Variants in HOXA13 observed in about 807,000 individuals in gnomAD.
HOXA13 encodes the protein homeobox A13, also known as homeobox protein Hox-A13.
HOXA13 carries 5 observed loss-of-function variants against 25.7 expected under a neutral mutation model. The observed-to-expected ratio is 0.19, with a 90% CI of 0.10 to 0.41. The LOEUF is 0.41. Among genes scored for constraint, HOXA13 ranks in the 10% least tolerant of loss-of-function variants. HOXA13 has a pLI of 1.00. For missense variants in HOXA13, 557 were observed against 533.5 expected (o/e 1.04, Z -0.43); for synonymous variants, 284 against 241.1 (o/e 1.18, Z -1.65).
Position 27,197,811 on chromosome 7 carries a change from C to T in HOXA13, c.*387G>A, listed in dbSNP as rs755100255. ...AAGGACAAGCAGATGTTTACAATGGCCTCTTGCGTTTGTAACCAACTTCCA... is the reference window on the plus strand; with the variant it reads ...AAGGACAAGCAGATGTTTACAATGGTCTCTTGCGTTTGTAACCAACTTCCA... On this transcript the variant is annotated 3_prime_UTR_variant, in exon 2 of 2. Coordinates refer to ENST00000649031, the MANE Select transcript of HOXA13 (RefSeq NM_000522.5). 2 of 346,012 alleles carry T rather than the reference C, an allele frequency of 5.8e-6. No individual in the cohort carries two copies. The highest frequency in any genetic ancestry group is 4.9e-5 in the East Asian group (1 of 20,254). 21.4% of individuals were successfully genotyped at this position (346,012 alleles called of 1,614,324 possible). A position where few individuals can be genotyped will look rare whatever the true frequency, so the allele number is the denominator to read the frequency against.
In HOXA13 at chr7:27,198,121, T is replaced by C; in HGVS notation, c.*77A>G. The C allele has an allele frequency of 6.9e-7, 1 of 1,455,238 alleles. No homozygotes were observed. Among genetic ancestry groups the C allele is most frequent in the Admixed American group, 1.7e-5 (1 of 58,986 alleles). The allele number at this position is 1,455,238 out of a possible 1,614,324, so 90.1% of individuals were successfully genotyped here. A position where few individuals can be genotyped will look rare whatever the true frequency, so the allele number is the denominator to read the frequency against. On this transcript the variant is annotated 3_prime_UTR_variant, in exon 2 of 2. Transcript: ENST00000649031. ...CCCATTCTTCAATTATTATTAAGCA[T>C]TATTATCATTATCTGGGCAAAGCAA...
At chr7:27,198,620 T>A (rs1422132078) in intron 1 of HOXA13, 178 bp from the exon 2 acceptor site, 1 of 709,492 alleles carries the variant, frequency 1.4e-6, no homozygotes. Flanking sequence ...AGTTCTGAAC[T>A]GAAATGAAAT....
chr7:27,194,923 T>C lies in HOXA13; in HGVS notation c.*3275A>G, dbSNP rs1031048744. ...AAAATATCCCCTGTCAACAGAAGAG[T>C]CCCTTTTGGAGCTGTTCTTAAACAC... On this transcript the variant is annotated 3_prime_UTR_variant, in exon 2 of 2. Coordinates refer to ENST00000649031, the MANE Select transcript of HOXA13 (RefSeq NM_000522.5). 1.3e-5 allele frequency: 2 copies of C among 152,106 alleles called. No homozygotes were observed. Among genetic ancestry groups the C allele is most frequent in the Admixed American group, 1.3e-4 (2 of 15,256 alleles). The allele number at this position is 152,106 out of a possible 1,614,324, so 9.4% of individuals were successfully genotyped here.
chr7:27,200,081 C>G lies in HOXA13; in HGVS notation c.-4G>C. 6.9e-7 allele frequency: 1 copy of G among 1,457,382 alleles called. No individual in the cohort carries two copies. The highest frequency in any genetic ancestry group is 9.2e-7 in the Non-Finnish European group (1 of 1,087,568). The allele number at this position is 1,457,382 out of a possible 1,614,324, so 90.3% of individuals were successfully genotyped here. A position where few individuals can be genotyped will look rare whatever the true frequency, so the allele number is the denominator to read the frequency against. On this transcript the variant is annotated 5_prime_UTR_variant, in exon 1 of 2. Transcript: ENST00000649031. ...GGAGGAGCACGGAGGCTGTCATAGC[C>G]CGAGCCGCATGGAGAAGACCCCAGT...
Position 27,194,648 on chromosome 7 carries a change from G to A in HOXA13, c.*3550C>T, listed in dbSNP as rs1355656237. The A allele has an allele frequency of 1.3e-5, 2 of 152,126 alleles. No homozygotes were observed. Among genetic ancestry groups the A allele is most frequent in the Non-Finnish European group, 2.9e-5 (2 of 68,042 alleles). The allele number at this position is 152,126 out of a possible 1,614,324, so 9.4% of individuals were successfully genotyped here. A position where few individuals can be genotyped will look rare whatever the true frequency, so the allele number is the denominator to read the frequency against. On this transcript the variant is annotated 3_prime_UTR_variant, in exon 2 of 2. Transcript: ENST00000649031. ...AGATCCACAGAAATTTTAAATAGGA[G>A]GAGAGTTAGGTAAGATCGACACTAT...
In HOXA13 at chr7:27,196,834, C is replaced by T. The variant is rs892016617; in HGVS notation, c.*1364G>A. The T allele has an allele frequency of 4.6e-5, 8 of 174,018 alleles. No individual in the cohort carries two copies. The highest frequency in any genetic ancestry group is 8.7e-5 in the Non-Finnish European group (7 of 80,190). The allele number at this position is 174,018 out of a possible 1,614,324, so 10.8% of individuals were successfully genotyped here. ...CTGCTCCTTTTCTTTCTGTGCAGTG[C>T]ACATTTAGCATAGGAAAGTAAAGAG... is the stretch of plus-strand genomic sequence containing the variant. On this transcript the variant is annotated 3_prime_UTR_variant, in exon 2 of 2. Coordinates refer to ENST00000649031, the MANE Select transcript of HOXA13 (RefSeq NM_000522.5).
Position 27,200,050 on chromosome 7 carries a change from G to A in HOXA13, c.28C>T (p.Arg10Cys), listed in dbSNP as rs776288905. 3 of 1,477,434 alleles carry A rather than the reference G, an allele frequency of 2.0e-6. No homozygotes were observed. The highest frequency in any genetic ancestry group is 1.9e-5 in the Admixed American group (1 of 52,420). The allele number at this position is 1,477,434 out of a possible 1,614,324, so 91.5% of individuals were successfully genotyped here. A position where few individuals can be genotyped will look rare whatever the true frequency, so the allele number is the denominator to read the frequency against. The change falls in exon 1 of 2, where the codon CGC becomes TGC. Residue 10 changes from arginine to cysteine, a missense_variant. Transcript: ENST00000649031. The stretch of plus-strand genomic sequence containing the variant: ...AACATGACGGTGGGCTCGATCCAGC[G>A]GGGGTGGAGGAGCACGGAGGCTGTC... MTASVLLHPRWIEPTVMFLY... is the reference protein window; with the variant it reads MTASVLLHPCWIEPTVMFLY...
At position 27,199,923 on chromosome 7, in the gene HOXA13, CCGGCAGCCGCCGCCGCTGCAGCCGCTG is replaced by C; in HGVS notation, c.128_154del (p.Ala43_Ala51del). ...GTGGGGGAAGCCCCCGCCCCCGGCC[CCGGCAGCCGCCGCCGCTGCAGCCGCTG>C]CTGCAGCCGCCGCCGCCCCTTCCAT... On this transcript the variant is annotated inframe_deletion, in exon 1 of 2. Coordinates refer to ENST00000649031, the MANE Select transcript of HOXA13 (RefSeq NM_000522.5). 1 of 1,233,258 alleles carries C rather than the reference CCGGCAGCCGCCGCCGCTGCAGCCGCTG, an allele frequency of 8.1e-7. No homozygotes were observed. The highest frequency in any genetic ancestry group is 1.0e-6 in the Non-Finnish European group (1 of 968,232). The allele number at this position is 1,233,258 out of a possible 1,614,324, so 76.4% of individuals were successfully genotyped here. A position where few individuals can be genotyped will look rare whatever the true frequency, so the allele number is the denominator to read the frequency against.
chr7:27,199,940 T>TGGGGGAAGCCCCCGCCCCCGGCCCCG lies in HOXA13; in HGVS notation c.137_138insCGGGGCCGGGGGCGGGGGCTTCCCCC (p.Ala47GlyfsTer53). The TGGGGGAAGCCCCCGCCCCCGGCCCCG allele has an allele frequency of 7.9e-7, 1 of 1,268,560 alleles. No homozygotes were observed. The highest frequency in any genetic ancestry group is 1.0e-6 in the Non-Finnish European group (1 of 980,732). 78.6% of individuals were successfully genotyped at this position (1,268,560 alleles called of 1,614,324 possible). A position where few individuals can be genotyped will look rare whatever the true frequency, so the allele number is the denominator to read the frequency against. On this transcript the variant is annotated frameshift_variant, in exon 1 of 2. Coordinates refer to ENST00000649031, the MANE Select transcript of HOXA13 (RefSeq NM_000522.5). LOFTEE classifies it high-confidence loss of function. Reference sequence around the variant, plus strand: ...CCCCGGCCCCGGCAGCCGCCGCCGCTGCAGCCGCTGCTGCAGCCGCCGCCG... The same window carrying TGGGGGAAGCCCCCGCCCCCGGCCCCG: ...CCCCGGCCCCGGCAGCCGCCGCCGCTGGGGGAAGCCCCCGCCCCCGGCCCCGGCAGCCGCTGCTGCAGCCGCCGCCG...
Position 27,199,616 on chromosome 7 carries a change from G to T in HOXA13, c.462C>A (p.Ser154Arg), listed in dbSNP as rs1299561651. ...AGCTCTGCGCCGCTGCCGAGCAGGG[G>T]CTGCATTGCTTGGCGGCCTCTGCGC... ...PAGAEAAKQC[S>R]PCSAAAQSSS... is the part of the protein sequence containing the mutation. Residue 154 changes from serine to arginine, a missense_variant, in exon 1 of 2, where the codon AGC becomes AGA. By Grantham distance (110) the Ser-to-Arg change is moderately radical. Coordinates refer to ENST00000649031, the MANE Select transcript of HOXA13 (RefSeq NM_000522.5). 2 of 1,431,336 alleles carry T rather than the reference G, an allele frequency of 1.4e-6. No homozygotes were observed. The highest frequency in any genetic ancestry group is 1.5e-5 in the South Asian group (1 of 67,580). 88.7% of individuals were successfully genotyped at this position (1,431,336 alleles called of 1,614,324 possible). A position where few individuals can be genotyped will look rare whatever the true frequency, so the allele number is the denominator to read the frequency against.
Position 27,194,489 on chromosome 7 carries a change from T to C in HOXA13, c.*3709A>G, listed in dbSNP as rs995169193. 1.3e-5 allele frequency: 2 copies of C among 152,216 alleles called. No individual in the cohort carries two copies. Among genetic ancestry groups the C allele is most frequent in the Non-Finnish European group, 2.9e-5 (2 of 68,048 alleles). The allele number at this position is 152,216 out of a possible 1,614,324, so 9.4% of individuals were successfully genotyped here. A position where few individuals can be genotyped will look rare whatever the true frequency, so the allele number is the denominator to read the frequency against. On this transcript the variant is annotated 3_prime_UTR_variant, in exon 2 of 2. Coordinates refer to ENST00000649031, the MANE Select transcript of HOXA13 (RefSeq NM_000522.5). ...CAGTGGCTGATACTATTATTCCTAT[T>C]TTTCAGGAGGTGGCTGGTCTCTCCT... is the stretch of plus-strand genomic sequence containing the variant.
rs1332705603 is a variant in HOXA13 at position 27,195,574 on chromosome 7, G to T, written c.*2624C>A. ...CAGTAGATATAATATTATTATTATA[G>T]TTTTGATGGAAGTTGTTAATATTAA... On this transcript the variant is annotated 3_prime_UTR_variant, in exon 2 of 2. Transcript: ENST00000649031. The T allele has an allele frequency of 2.0e-5, 3 of 152,152 alleles. No homozygotes were observed. The highest frequency in any genetic ancestry group is 4.4e-5 in the Non-Finnish European group (3 of 68,024). The allele number at this position is 152,152 out of a possible 1,614,324, so 9.4% of individuals were successfully genotyped here. A position where few individuals can be genotyped will look rare whatever the true frequency, so the allele number is the denominator to read the frequency against.
intron 1 of HOXA13, chr7:27,198,712 A>C: frequency 1.8e-6 from 1 of 563,894 alleles, no homozygotes; most frequent in Non-Finnish European, 3.2e-6. Context: ...AGCCTGGTCC[A>C]ACGGCCCACA....
In HOXA13 at chr7:27,195,501, T is replaced by G. The variant is rs1338222572; in HGVS notation, c.*2697A>C. 2 of 152,244 alleles carry G rather than the reference T, an allele frequency of 1.3e-5. No homozygotes were observed. The highest frequency in any genetic ancestry group is 6.5e-5 in the Admixed American group (1 of 15,286). The allele number at this position is 152,244 out of a possible 1,614,324, so 9.4% of individuals were successfully genotyped here. On this transcript the variant is annotated 3_prime_UTR_variant, in exon 2 of 2. Coordinates refer to ENST00000649031, the MANE Select transcript of HOXA13 (RefSeq NM_000522.5). ...TATTAAATATACAAACATACATATGTATTCTTTATGACTCTGAATACAGCA... is the reference window on the plus strand; with the variant it reads ...TATTAAATATACAAACATACATATGGATTCTTTATGACTCTGAATACAGCA...
Position 27,198,161 on chromosome 7 carries a change from T to C in HOXA13, c.*37A>G. 1 of 1,611,598 alleles carries C rather than the reference T, an allele frequency of 6.2e-7. No homozygotes were observed. Among genetic ancestry groups the C allele is most frequent in the Non-Finnish European group, 8.5e-7 (1 of 1,177,902 alleles). On this transcript the variant is annotated 3_prime_UTR_variant, in exon 2 of 2. Coordinates refer to ENST00000649031, the MANE Select transcript of HOXA13 (RefSeq NM_000522.5). Reference sequence around the variant, plus strand: ...GGGCAAAGCAACGAGTTCTGAAGCGTTTCTTCAAGTTGCCTTCTTGCTCTA... The same window carrying C: ...GGGCAAAGCAACGAGTTCTGAAGCGCTTCTTCAAGTTGCCTTCTTGCTCTA...
chr7:27,199,004 C>T (rs912378887), intron 1 of HOXA13, 152 bp downstream of exon 1: 1 of 729,716 alleles, frequency 1.4e-6, no homozygotes, highest in Non-Finnish European at 2.2e-6. Context: ...TGCAGGCAGA[C>T]CCAGCCAGCC....
chr7:27,198,865 A>G, intron 1 of HOXA13: 1 of 421,736 alleles, frequency 2.4e-6, no homozygotes, highest in Non-Finnish European at 4.2e-6. Context: ...TTTCTGGTCA[A>G]TTTCTCATCC....
chr7:27,199,080 GGATCGCCCGGGT>G, intron 1 of HOXA13, 64 bp downstream of exon 1: 1 of 1,441,500 alleles, frequency 6.9e-7, no homozygotes, highest in South Asian at 1.3e-5. Flanking sequence ...AACGCACCCG[GGATCGCCCGGGT>G]GCGAGCGGAG....
chr7:27,199,598 C>A lies in HOXA13; in HGVS notation c.480G>T (p.Ala160=), dbSNP rs537218194. ...AKQCSPCSAA[A]QSSSGPAALP... Reference sequence around the variant, plus strand: ...GCGCCGCGGGCCCCGACGAGCTCTGCGCCGCTGCCGAGCAGGGGCTGCATT... The same window carrying A: ...GCGCCGCGGGCCCCGACGAGCTCTGAGCCGCTGCCGAGCAGGGGCTGCATT... Residue 160 remains alanine (A), a synonymous_variant, in exon 1 of 2, where the codon GCG becomes GCT. Transcript: ENST00000649031. The A allele has an allele frequency of 1.3e-5, 19 of 1,494,172 alleles. No homozygotes were observed. The highest frequency in any genetic ancestry group is 1.7e-5 in the Non-Finnish European group (19 of 1,127,910). The allele number at this position is 1,494,172 out of a possible 1,614,324, so 92.6% of individuals were successfully genotyped here.
Sources: allele counts gnomAD v4.1 joint callset, GRCh38; gene constraint gnomAD v4.1.1; transcripts MANE v1.5; gene names NCBI Gene and HGNC (gene_info 2026-07-23, HGNC 2026-07-21).